Variants in ALMS1 observed in about 807,000 individuals in gnomAD.
ALMS1 encodes centrosome-associated protein ALMS1.
A neutral mutation model predicts 352.2 loss-of-function variants in ALMS1; 271 were observed. That is an observed-to-expected ratio of 0.77 (90% CI 0.70 to 0.85). The LOEUF is 0.85. ALMS1 is among the 40% of genes least tolerant of loss of function. ALMS1 has a pLI of 0.00. For synonymous variants in ALMS1, 1,865 were observed against 1,761.2 expected, an observed-to-expected ratio of 1.06 and a Z score of -1.48; for missense variants, 5,445 against 4,870.7, an observed-to-expected ratio of 1.12 and a Z score of -3.51.
chr2:73,454,125 G>C (rs937541538), intron 8 of ALMS1, 58 bp downstream of exon 8: 67 of 1,550,738 alleles, frequency 4.3e-5, no homozygotes, highest in Non-Finnish European at 5.4e-5. Context: ...TTTAAAGTTA[G>C]ATATTTATGT....
chr2:73,457,321 T>A (rs559426239), intron 9 of ALMS1: 1 of 152,316 alleles, frequency 6.6e-6, no homozygotes, highest in African/African-American at 2.4e-5. Context: ...AACTTCTACA[T>A]CCCAGGTTCA....
intron 9 of ALMS1, among the ~76,000 whole-genome samples, chr2:73,461,743 T>C (rs182605727): frequency 0.011 from 1,707 of 152,128 alleles, 31 homozygotes; most frequent in African/African-American, 0.038. Flanking sequence ...GAATAACCAA[T>C]GCAGAGAAGT....
rs1672008144 is a variant in ALMS1 at position 73,454,028 on chromosome 2, A to T, written c.7501A>T (p.Arg2501Ter). ...ACTGAATCATGCTAAAGAAATACTC[A>T]GAAATGCAGAGGAAGAGGAAAGCCG... is the stretch of plus-strand genomic sequence containing the variant. Reference protein sequence around the residue: ...SSLNHAKEILRNAEEEESRVR... With the variant: ...SSLNHAKEIL The change falls in exon 8 of 23, where the codon AGA (arginine) becomes TGA (stop). Residue 2501 changes from arginine to a stop codon, truncating the protein, a stop_gained. Transcript: ENST00000613296. LOFTEE classifies it high-confidence loss of function. 6.2e-7 allele frequency: 1 copy of T among 1,613,158 alleles called. No homozygotes were observed. The highest frequency in any genetic ancestry group is 1.7e-5 in the Admixed American group (1 of 59,896).
intron 1 of ALMS1, among the ~76,000 whole-genome samples, chr2:73,400,706 C>G (rs1253087845): frequency 6.6e-6 from 1 of 152,150 alleles, no homozygotes; most frequent in Non-Finnish European, 1.5e-5. Flanking sequence ...TCTAGGCTAT[C>G]AAATTTGTGG....
Position 73,572,304 on chromosome 2 carries a change from T to A in ALMS1, c.10427T>A (p.Val3476Asp). Residue 3476 changes from valine (V) to aspartate (D), a missense_variant, in exon 16 of 23, where the codon GTC (valine) becomes GAC (aspartate). Coordinates refer to ENST00000613296, the MANE Select transcript of ALMS1 (RefSeq NM_001378454.1). ...HSEFENTTRS[V>D]FRSAKFYIHH... Reference sequence around the variant, plus strand: ...GAATTTGAAAATACTACCCGTTCTGTCTTCAGGTCAGCAAAGTTTTACATT... The same window carrying A: ...GAATTTGAAAATACTACCCGTTCTGACTTCAGGTCAGCAAAGTTTTACATT... 1 of 1,607,456 alleles carries A rather than the reference T, an allele frequency of 6.2e-7. No homozygotes were observed. Among genetic ancestry groups the A allele is most frequent in the East Asian group, 2.2e-5 (1 of 44,816 alleles).
Position 73,450,197 on chromosome 2 carries a change from C to A in ALMS1, c.3670C>A (p.Pro1224Thr). The A allele has an allele frequency of 6.2e-7, 1 of 1,614,130 alleles. No individual in the cohort carries two copies. The highest frequency in any genetic ancestry group is 8.5e-7 in the Non-Finnish European group (1 of 1,179,992). Residue 1224 changes from proline (P) to threonine (T), a missense_variant, in exon 8 of 23, where the codon CCA becomes ACA. Transcript: ENST00000613296. ...ACAGAAAGTTTCACCTGTTCTTGGA[C>A]CAGCTGACCAGAAGACTGGGACACC... is the stretch of plus-strand genomic sequence containing the variant. ...EAQKVSPVLGPADQKTGTPTP... is the reference protein window; with the variant it reads ...EAQKVSPVLGTADQKTGTPTP...
intron 6 of ALMS1, among the ~76,000 whole-genome samples, chr2:73,429,233 G>A (rs10183601): frequency 3.8e-5 from 5 of 130,028 alleles, no homozygotes; most frequent in African/African-American, 1.4e-4. Context: ...TCATTATTTT[G>A]TTTTTCTTTC....
At position 73,534,840 on chromosome 2, in the gene ALMS1, G is replaced by T; in HGVS notation, c.9798G>T (p.Leu3266Phe). 6.2e-7 allele frequency: 1 copy of T among 1,613,292 alleles called. No homozygotes were observed. Among genetic ancestry groups the T allele is most frequent in the Non-Finnish European group, 8.5e-7 (1 of 1,179,524 alleles). The stretch of plus-strand genomic sequence containing the variant: ...CCTCCTTAGGCCAGCCTTTATTATT[G>T]CCATATAAGCCTTCTGGTAGTACCA... ...SRGTDGQPLL[L>F]PYKPSGSTKM... The change falls in exon 12 of 23, where the codon TTG (leucine) becomes TTT (phenylalanine). Residue 3266 changes from leucine to phenylalanine, a missense_variant. Physicochemically the swap from Leu to Phe is conservative, Grantham distance 22. Transcript: ENST00000613296.
chr2:73,462,998 A>G (rs937338058), intron 9 of ALMS1, among the ~76,000 whole-genome samples: 3 of 152,276 alleles, frequency 2.0e-5, no homozygotes, highest in Admixed American at 6.5e-5. Flanking sequence ...ACTCCCACAC[A>G]ATAACAATGG....
chr2:73,488,479 G>A (rs1357314335), intron 9 of ALMS1, among the ~76,000 whole-genome samples: 1 of 152,204 alleles, frequency 6.6e-6, no homozygotes, highest in African/African-American at 2.4e-5. Flanking sequence ...CCCCGAAAGT[G>A]CAGTGGTGCC....
In ALMS1 at chr2:73,489,951, C is replaced by T; in HGVS notation, c.7992C>T (p.Ile2664=). 1 of 1,614,204 alleles carries T rather than the reference C, an allele frequency of 6.2e-7. No individual in the cohort carries two copies. The highest frequency in any genetic ancestry group is 8.5e-7 in the Non-Finnish European group (1 of 1,180,040). ...FQNFIPDEFK[I]SKGLRMPFDE... ...ACTTTATACCTGATGAATTCAAAAT[C>T]AGCAAAGGTCTTCGAATGCCATTCG... The change falls in exon 10 of 23, where the codon ATC becomes ATT. Residue 2664 remains isoleucine (I), a synonymous_variant. Transcript: ENST00000613296.
intron 11 of ALMS1, among the ~76,000 whole-genome samples, chr2:73,528,485 T>C (rs914867535): frequency 2.0e-4 from 31 of 152,228 alleles, no homozygotes; most frequent in Admixed American, 2.0e-3. Flanking sequence ...ATGACCTTTG[T>C]CTGTTTTTAT....
chr2:73,429,303 CAG>C (rs1201170007), intron 6 of ALMS1, among the ~76,000 whole-genome samples: 6 of 115,994 alleles, frequency 5.2e-5, no homozygotes, highest in African/African-American at 2.0e-4. Flanking sequence ...TTTTTTGAGG[CAG>C]AGTTTTGCTC....
At chr2:73,476,484 CA>C (rs1352616806) in intron 9 of ALMS1, among the ~76,000 whole-genome samples, 1 of 152,032 alleles carries the variant, frequency 6.6e-6, no homozygotes, top group African/African-American at 2.4e-5. Flanking sequence ...TACTGTTTTC[CA>C]TAAGGGCTAC....
intron 10 of ALMS1, among the ~76,000 whole-genome samples, chr2:73,510,398 C>T (rs1009748786): frequency 4.6e-5 from 7 of 152,008 alleles, no homozygotes; most frequent in African/African-American, 7.2e-5. Flanking sequence ...GGAGTTTTTG[C>T]GTGGTCGTTC....
At chr2:73,413,300 T>G (rs1314568551) in intron 2 of ALMS1, among the ~76,000 whole-genome samples, 2 of 152,174 alleles carry the variant, frequency 1.3e-5, no homozygotes, top group Non-Finnish European at 2.9e-5. Context: ...AGGCAGAAGT[T>G]TTAATTTTGA....
intron 9 of ALMS1, among the ~76,000 whole-genome samples, chr2:73,462,595 C>G (rs1366628052): frequency 6.6e-6 from 1 of 152,196 alleles, no homozygotes; most frequent in Non-Finnish European, 1.5e-5. Context: ...GGACCACATT[C>G]ACACATAACA....
chr2:73,465,660 T>C (rs1340090761), intron 9 of ALMS1, among the ~76,000 whole-genome samples: 14 of 149,748 alleles, frequency 9.3e-5, no homozygotes, highest in East Asian at 5.9e-4. Flanking sequence ...AACTAAAGAG[T>C]TTCTGCACAG....
In ALMS1 at chr2:73,601,183, T is replaced by G. The variant is rs1320374; in HGVS notation, c.11873-12T>G. On this transcript the variant is annotated splice_polypyrimidine_tract_variant and intron_variant, in intron 18 of 22. Transcript: ENST00000613296. The stretch of plus-strand genomic sequence containing the variant: ...AAAAATCTGTGTTCCTTCTAAAAAC[T>G]GTTTCCTGTAGGAGTTTCCTGGTTT... The G allele has an allele frequency of 1.9e-6, 3 of 1,613,778 alleles. No individual in the cohort carries two copies. The highest frequency in any genetic ancestry group is 2.5e-6 in the Non-Finnish European group (3 of 1,179,946).
Sources: allele counts gnomAD v4.1 joint callset (sites outside exome capture counted in the v4.1 genomes callset), GRCh38; gene constraint gnomAD v4.1.1; transcripts MANE v1.5; gene names NCBI Gene and HGNC (gene_info 2026-07-23, HGNC 2026-07-21).